SHISA6: variants seen among roughly 807,000 people sequenced by gnomAD.
SHISA6 encodes the protein protein shisa-6.
SHISA6 carries 22 observed loss-of-function variants against 47.9 expected under a neutral mutation model. The ratio of observed to expected loss-of-function variants is 0.46; its 90% CI spans 0.33 to 0.66. The LOEUF (loss-of-function observed/expected upper bound fraction) is 0.66. Ranked by LOEUF, SHISA6 falls within the 30% of genes least tolerant of loss-of-function variation. The probability of loss-of-function intolerance (pLI) is 0.02; values close to 1 mark genes in which losing one functional copy is unlikely to be tolerated. For synonymous variants in SHISA6, 388 were observed against 337.8 expected (o/e 1.15, Z -1.63); for missense variants, 680 against 764.6 (o/e 0.89, Z 1.30).
intron 2 of SHISA6, among the ~76,000 whole-genome samples, chr17:11,295,981 A>G (rs1443639660): frequency 6.6e-6 from 1 of 151,320 alleles, no homozygotes; most frequent in Admixed American, 6.6e-5. Context: ...AAAAAAAAAA[A>G]AAAGTCAGGG....
At chr17:11,347,838 A>C (rs972749551) in intron 2 of SHISA6, among the ~76,000 whole-genome samples, 1 of 152,080 alleles carries the variant, frequency 6.6e-6, no homozygotes, top group Non-Finnish European at 1.5e-5. Flanking sequence ...AGCTGAGGTC[A>C]CTCAGAGCTG....
intron 2 of SHISA6, among the ~76,000 whole-genome samples, chr17:11,296,346 G>C (rs969895154): frequency 6.6e-6 from 1 of 152,206 alleles, no homozygotes; most frequent in Non-Finnish European, 1.5e-5. Flanking sequence ...TAGGGGCTTA[G>C]AGTAGGTGGT....
intron 2 of SHISA6, among the ~76,000 whole-genome samples, chr17:11,365,783 C>T (rs1900501977): frequency 6.6e-6 from 1 of 152,056 alleles, no homozygotes; most frequent in Admixed American, 6.6e-5. Flanking sequence ...AAACAATAAC[C>T]AAGTAGGTGA....
At chr17:11,488,177 C>T (rs930626486) in intron 3 of SHISA6, among the ~76,000 whole-genome samples, 1 of 152,046 alleles carries the variant, frequency 6.6e-6, no homozygotes, top group Admixed American at 6.5e-5. Flanking sequence ...CTAAAAGCCA[C>T]ACTGAATAGC....
chr17:11,358,257 T>G (rs1374797900), intron 2 of SHISA6, among the ~76,000 whole-genome samples: 1 of 152,162 alleles, frequency 6.6e-6, no homozygotes, highest in Non-Finnish European at 1.5e-5. Flanking sequence ...CAGCTACTAG[T>G]CTAGGTACCT....
At chr17:11,514,865 G>C (rs150286967) in intron 3 of SHISA6, among the ~76,000 whole-genome samples, 16 of 152,314 alleles carry the variant, frequency 1.1e-4, no homozygotes, top group Admixed American at 2.6e-4. Context: ...TCCTTGTAGT[G>C]GCTTCTTTTC....
intron 1 of SHISA6, among the ~76,000 whole-genome samples, chr17:11,248,604 T>C (rs1421182866): frequency 2.6e-5 from 4 of 152,230 alleles, no homozygotes; most frequent in Non-Finnish European, 5.9e-5. Flanking sequence ...TACGTTTCTG[T>C]ACCCCTCCTG....
intron 2 of SHISA6, among the ~76,000 whole-genome samples, chr17:11,278,791 T>C (rs1331183265): frequency 2.0e-5 from 3 of 152,214 alleles, no homozygotes; most frequent in Non-Finnish European, 4.4e-5. Context: ...GTGGCTTAGA[T>C]CTGTGATGAA....
chr17:11,527,969 G>A (rs1273828277), intron 3 of SHISA6, among the ~76,000 whole-genome samples: 1 of 152,082 alleles, frequency 6.6e-6, no homozygotes, highest in African/African-American at 2.4e-5. Context: ...CAACCAGTCT[G>A]TTCTCTCAAG....
At chr17:11,489,773 C>T (rs1173798045) in intron 3 of SHISA6, among the ~76,000 whole-genome samples, 1 of 152,154 alleles carries the variant, frequency 6.6e-6, no homozygotes, top group East Asian at 1.9e-4. Flanking sequence ...TGTTTTTGAT[C>T]ATCCCAACTT....
At chr17:11,354,811 A>G (rs1392338787) in intron 2 of SHISA6, among the ~76,000 whole-genome samples, 1 of 152,030 alleles carries the variant, frequency 6.6e-6, no homozygotes, top group Non-Finnish European at 1.5e-5. Flanking sequence ...CAGAATAGCC[A>G]TTTTTAAATG....
Position 11,555,800 on chromosome 17 carries a change from C to T in SHISA6, c.1013C>T (p.Ser338Phe). 1 of 1,551,900 alleles carries T rather than the reference C, an allele frequency of 6.4e-7. No individual in the cohort carries two copies. Among genetic ancestry groups the T allele is most frequent in the Non-Finnish European group, 8.7e-7 (1 of 1,146,962 alleles). Residue 338 changes from serine (S) to phenylalanine (F), a missense_variant, in exon 5 of 6, where the codon TCC (serine) becomes TTC (phenylalanine). By Grantham distance (155) the Ser-to-Phe change is radical (BLOSUM62 -2). Transcript: ENST00000441885. ...ACCGAGCCCTATGACCTCTCCTTCT[C>T]CCGCTCGTTCCAGAACTTGGCCCAC... The part of the protein sequence containing the change: ...SATEPYDLSF[S>F]RSFQNLAHLP...
intron 3 of SHISA6, among the ~76,000 whole-genome samples, chr17:11,447,413 A>G (rs1320703166): frequency 6.6e-6 from 1 of 152,194 alleles, no homozygotes; most frequent in Non-Finnish European, 1.5e-5. Flanking sequence ...ATTTTAGCTT[A>G]ACTGCTGCTG....
chr17:11,317,794 T>C (rs1446356142), intron 2 of SHISA6, among the ~76,000 whole-genome samples: 1 of 151,796 alleles, frequency 6.6e-6, no homozygotes. Context: ...TCTATGAGTG[T>C]TTATATTTCT....
intron 3 of SHISA6, among the ~76,000 whole-genome samples, chr17:11,444,075 T>C (rs1915166311): frequency 6.6e-6 from 1 of 152,018 alleles, no homozygotes; most frequent in Non-Finnish European, 1.5e-5. Context: ...TCCCAACACT[T>C]TGGGAGGCCA....
intron 2 of SHISA6, among the ~76,000 whole-genome samples, chr17:11,276,063 C>T (rs551725236): frequency 6.6e-5 from 10 of 151,888 alleles, no homozygotes; most frequent in East Asian, 1.9e-4. Context: ...CTGCAACCTC[C>T]GCCTCTGGGG....
At chr17:11,285,610 C>T (rs1597439846) in intron 2 of SHISA6, among the ~76,000 whole-genome samples, 1 of 152,172 alleles carries the variant, frequency 6.6e-6, no homozygotes, top group East Asian at 1.9e-4. Context: ...GAGCGAGGGA[C>T]TGATGGGACA....
At chr17:11,247,273 G>A (rs977583133) in intron 1 of SHISA6, among the ~76,000 whole-genome samples, 2 of 152,142 alleles carry the variant, frequency 1.3e-5, no homozygotes, top group Admixed American at 6.6e-5. Context: ...GAATAAAAGG[G>A]AACCACAACA....
chr17:11,311,275 T>A, intron 2 of SHISA6, among the ~76,000 whole-genome samples: 1 of 111,238 alleles, frequency 9.0e-6, no homozygotes. Flanking sequence ...GAGCAAGACT[T>A]CGTCAAAAAA....
Sources: allele counts gnomAD v4.1 joint callset (sites outside exome capture counted in the v4.1 genomes callset), GRCh38; gene constraint gnomAD v4.1.1; transcripts MANE v1.5; gene names NCBI Gene and HGNC (gene_info 2026-07-23, HGNC 2026-07-21).